The following C3orf85 variants were observed in gnomAD, a reference collection of about 807,000 sequenced individuals.
C3orf85 encodes the protein uncharacterized protein C3orf85.
Under a neutral mutation model 1.7 loss-of-function variants are expected in C3orf85, and 1 was observed. The observed-to-expected ratio is 0.60, with a 90% CI of 0.21 to 2.86. The LOEUF (loss-of-function observed/expected upper bound fraction) is 2.86. C3orf85 is among the 30% of genes most tolerant of loss of function. The pLI is 0.22. For missense variants in C3orf85, 29 were observed against 21.3 expected (o/e 1.36, Z -0.72); for synonymous variants, 17 against 8.0 (o/e 2.13, Z -1.90).
intron 2 of C3orf85, among the ~76,000 whole-genome samples, chr3:109,141,343 A>T (rs1371912121): frequency 6.6e-6 from 1 of 150,576 alleles, no homozygotes; most frequent in East Asian, 2.0e-4. Flanking sequence ...GCAATTCAGC[A>T]CCCCTCTCCA....
chr3:109,137,449 T>TA (rs1320667131), intron 2 of C3orf85, among the ~76,000 whole-genome samples: 1 of 151,702 alleles, frequency 6.6e-6, no homozygotes, highest in Non-Finnish European at 1.5e-5. Context: ...TGAAAACACT[T>TA]ACAAAGATAT....
intron 2 of C3orf85, chr3:109,146,407 C>G (rs1706799926): frequency 6.6e-6 from 1 of 152,146 alleles, no homozygotes; most frequent in African/African-American, 2.4e-5. Context: ...TTTTCCAAAC[C>G]TTAACAGCTT....
chr3:109,148,434 T>C, intron 3 of C3orf85, 48 bp downstream of exon 3: 3 of 701,642 alleles, frequency 4.3e-6, no homozygotes, highest in Admixed American at 2.0e-5. Context: ...TCTTTTTAAA[T>C]AGTCATTGCA....
chr3:109,142,082 G>T (rs896731592), intron 2 of C3orf85, among the ~76,000 whole-genome samples: 1 of 151,960 alleles, frequency 6.6e-6, no homozygotes, highest in Non-Finnish European at 1.5e-5. Context: ...AAACATGAAC[G>T]TAAACATGAG....
At chr3:109,141,099 G>C (rs141807218) in intron 2 of C3orf85, among the ~76,000 whole-genome samples, 1 of 152,046 alleles carries the variant, frequency 6.6e-6, no homozygotes, top group African/African-American at 2.4e-5. Flanking sequence ...CGATTCTCCC[G>C]GCTCAGCCTC....
chr3:109,147,348 T>C (rs895375566), intron 2 of C3orf85, among the ~76,000 whole-genome samples: 4 of 152,202 alleles, frequency 2.6e-5, no homozygotes, highest in Non-Finnish European at 4.4e-5. Flanking sequence ...CCCAGGTTTA[T>C]ACAGAAGGTT....
intron 2 of C3orf85, chr3:109,146,369 A>G (rs374684516): frequency 6.6e-6 from 1 of 152,334 alleles, no homozygotes; most frequent in Admixed American, 6.5e-5. Context: ...AATGCATTCT[A>G]TAAGTTATCT....
At chr3:109,141,714 T>C (rs1435109997) in intron 2 of C3orf85, among the ~76,000 whole-genome samples, 1 of 152,216 alleles carries the variant, frequency 6.6e-6, no homozygotes, top group African/African-American at 2.4e-5. Context: ...AGAAATAAAA[T>C]AGCTATGCCA....
intron 2 of C3orf85, among the ~76,000 whole-genome samples, chr3:109,147,252 G>A (rs374777699): frequency 3.9e-5 from 6 of 152,196 alleles, no homozygotes; most frequent in Non-Finnish European, 7.4e-5. Flanking sequence ...GTGTTGCCTC[G>A]TTTTGTCTTT....
intron 3 of C3orf85, 70 bp downstream of exon 3, chr3:109,148,456 C>T: frequency 1.4e-6 from 1 of 699,290 alleles, no homozygotes; most frequent in Non-Finnish European, 2.6e-6. Flanking sequence ...TAGCTGACCA[C>T]TAATTAACAC....
At chr3:109,141,393 T>C (rs563822473) in intron 2 of C3orf85, among the ~76,000 whole-genome samples, 1 of 152,336 alleles carries the variant, frequency 6.6e-6, no homozygotes, top group South Asian at 2.1e-4. Flanking sequence ...CCTTCTGTTG[T>C]GTTACTTCCT....
intron 3 of C3orf85, 195 bp downstream of exon 3, chr3:109,148,581 C>A: frequency 1.9e-6 from 1 of 530,958 alleles, no homozygotes; most frequent in Non-Finnish European, 3.3e-6. Flanking sequence ...AAAGACTAGA[C>A]TCAAATGTCC....
rs1706690787 is a variant in C3orf85, at chr3:109,137,490, T to G, written c.49+594T>G. On this transcript the variant is annotated intron_variant, in intron 2 of 3. Coordinates refer to ENST00000622536, the MANE Select transcript of C3orf85 (RefSeq NM_001351622.2). ...ATCTTCATGGTTAAATCTCTATAATTTATAAATATTTCTGATGCAGATGCT... is the reference window on the plus strand; with the variant it reads ...ATCTTCATGGTTAAATCTCTATAATGTATAAATATTTCTGATGCAGATGCT... 2.6e-5 allele frequency among the ~76,000 whole-genome samples: 4 copies of G among 151,728 alleles called. No individual in the cohort carries two copies. The South Asian group carries it at 8.3e-4, about 32-fold the overall frequency.
chr3:109,144,205 C>A (rs991678318), intron 2 of C3orf85, among the ~76,000 whole-genome samples: 9 of 152,100 alleles, frequency 5.9e-5, no homozygotes, highest in Non-Finnish European at 8.8e-5. Context: ...AAACACAAAA[C>A]CCTGGTCTTG....
intron 2 of C3orf85, among the ~76,000 whole-genome samples, chr3:109,147,897 G>T (rs72937351): frequency 0.046 from 6,932 of 152,192 alleles, 523 homozygotes; most frequent in African/African-American, 0.15. Context: ...CCCTTAACAT[G>T]CAAGAAAACT....
intron 2 of C3orf85, among the ~76,000 whole-genome samples, chr3:109,139,356 T>C (rs1171293418): frequency 6.6e-6 from 1 of 152,172 alleles, no homozygotes; most frequent in Admixed American, 6.5e-5. Flanking sequence ...TGGGTGACCT[T>C]ACCTGACAAA....
Position 109,148,722 on chromosome 3 carries a change from T to C in C3orf85, c.183+336T>C, listed in dbSNP as rs541723691. 102 of 264,220 alleles carry C rather than the reference T, an allele frequency of 3.9e-4. No homozygotes were observed. The Admixed American group carries it at 5.2e-3, about 13-fold the overall frequency. 16.4% of individuals were successfully genotyped at this position (264,220 alleles called of 1,614,324 possible). ...ACTTGTTTTGTGTACCCAACCTACC[T>C]ACCTAGACTATAAAGGTAGGGTCTG... is the stretch of plus-strand genomic sequence containing the variant. On this transcript the variant is annotated intron_variant, in intron 3 of 3. Transcript: ENST00000622536.
At chr3:109,143,299 A>T (rs1706761414) in intron 2 of C3orf85, among the ~76,000 whole-genome samples, 1 of 152,216 alleles carries the variant, frequency 6.6e-6, no homozygotes, top group South Asian at 2.1e-4. Flanking sequence ...GGTTATGTGT[A>T]TAGGGTATAG....
chr3:109,139,058 G>A (rs1706710115), intron 2 of C3orf85, among the ~76,000 whole-genome samples: 1 of 152,188 alleles, frequency 6.6e-6, no homozygotes, highest in African/African-American at 2.4e-5. Context: ...AATACTAATA[G>A]ATGCTATGCT....
Sources: gnomAD v4.1 joint callset for allele counts (sites outside exome capture counted in the v4.1 genomes callset) on GRCh38, gnomAD v4.1.1 for gene constraint, MANE v1.5 for transcripts, NCBI Gene and HGNC (gene_info 2026-07-23, HGNC 2026-07-21) for gene names.